Variants in ANKRD17 observed in about 807,000 individuals in gnomAD.
The protein encoded by ANKRD17 is ankyrin repeat domain-containing protein 17.
In ANKRD17, 19 loss-of-function variants were observed where a neutral mutation model predicts 229.7. That is an observed-to-expected ratio of 0.08 (90% confidence interval 0.06 to 0.12). The LOEUF (loss-of-function observed/expected upper bound fraction) is 0.12, where lower values mean the gene tolerates loss of function less well. Among genes scored for constraint, ANKRD17 ranks in the 10% least tolerant of loss-of-function variants. The pLI is 1.00. For synonymous variants in ANKRD17, 1,112 were observed against 1,146.1 expected (o/e 0.97, Z 0.60); for missense variants, 2,176 against 3,176.8 (o/e 0.68, Z 7.57).
rs1217966230 is a variant in ANKRD17 at position 73,204,600 on chromosome 4, CA to C, written c.394-27068del. 3.3e-5 allele frequency among the ~76,000 whole-genome samples: 5 copies of C among 151,846 alleles called. No homozygotes were observed. The East Asian group carries it at 9.7e-4, about 29-fold the overall frequency. On this transcript the variant is annotated intron_variant, in intron 1 of 33. Transcript: ENST00000358602. ...TGGATCCACCCAAAGTAATAAAGAG[CA>C]CTAGAAATGGCATAAAATGGATATC...
chr4:73,155,492 T>A, intron 5 of ANKRD17, 139 bp downstream of exon 5: 1 of 908,504 alleles, frequency 1.1e-6, no homozygotes, highest in Non-Finnish European at 1.7e-6. Context: ...ACTTCAAAAC[T>A]CATACACAGA....
intron 24 of ANKRD17, among the ~76,000 whole-genome samples, chr4:73,104,916 G>T (rs1185610650): frequency 6.6e-6 from 1 of 152,160 alleles, no homozygotes; most frequent in African/African-American, 2.4e-5. Context: ...ATTTCTCAGG[G>T]CTGGCAGAGT....
At chr4:73,238,180 T>C (rs1389599749) in intron 1 of ANKRD17, among the ~76,000 whole-genome samples, 1 of 152,064 alleles carries the variant, frequency 6.6e-6, no homozygotes, top group Admixed American at 6.5e-5. Flanking sequence ...AATTAATTTA[T>C]GAAAATCCTT....
intron 15 of ANKRD17, among the ~76,000 whole-genome samples, chr4:73,135,511 T>C (rs1728782198): frequency 6.6e-6 from 1 of 152,156 alleles, no homozygotes; most frequent in South Asian, 2.1e-4. Context: ...TTATAAGCAG[T>C]CGTAAAACCT....
chr4:73,108,956 A>G (rs1362445007), intron 24 of ANKRD17, among the ~76,000 whole-genome samples: 1 of 152,220 alleles, frequency 6.6e-6, no homozygotes, highest in Non-Finnish European at 1.5e-5. Context: ...TGCTGTTGAG[A>G]AGGAGAAACC....
intron 1 of ANKRD17, among the ~76,000 whole-genome samples, chr4:73,188,462 G>A (rs996223194): frequency 2.0e-5 from 3 of 152,032 alleles, no homozygotes; most frequent in African/African-American, 7.2e-5. Flanking sequence ...GTATGCGCCT[G>A]TAGTCCCCGC....
At chr4:73,243,943 A>C (rs375976136) in intron 1 of ANKRD17, among the ~76,000 whole-genome samples, 14 of 152,324 alleles carry the variant, frequency 9.2e-5, no homozygotes, top group African/African-American at 2.9e-4. Context: ...TGGGTAGTTT[A>C]AACAACAGAT....
chr4:73,138,245 T>C (rs1048480904), intron 15 of ANKRD17, among the ~76,000 whole-genome samples: 1 of 152,126 alleles, frequency 6.6e-6, no homozygotes, highest in African/African-American at 2.4e-5. Flanking sequence ...TAGAAAAATT[T>C]TGCACTCATC....
chr4:73,216,321 A>C (rs1220875119), intron 1 of ANKRD17, among the ~76,000 whole-genome samples: 2 of 152,162 alleles, frequency 1.3e-5, no homozygotes, highest in Non-Finnish European at 2.9e-5. Flanking sequence ...TTTTCTTTAA[A>C]CTATAATTTC....
In ANKRD17 at chr4:73,141,817, C is replaced by T. The variant is rs377088061; in HGVS notation, c.2256G>A (p.Leu752=). 129 of 1,613,674 alleles carry T rather than the reference C, an allele frequency of 8.0e-5. No homozygotes were observed. The highest frequency in any genetic ancestry group is 1.0e-4 in the Non-Finnish European group (123 of 1,179,900). Residue 752 remains leucine (L), a synonymous_variant, in exon 14 of 34, where the codon CTG becomes CTA. Transcript: ENST00000358602. ...GCTCCTGAGGTGGAACAACCATGGG[C>T]AGTGCTTGAACTGGTACACGAGGAG... is the stretch of plus-strand genomic sequence containing the variant. ...NRAPRVPVQA[L]PMVVPPQEPD...
chr4:73,242,739 G>C (rs369781900), intron 1 of ANKRD17, among the ~76,000 whole-genome samples: 4 of 152,266 alleles, frequency 2.6e-5, no homozygotes, highest in East Asian at 3.9e-4. Flanking sequence ...TCAATGACTT[G>C]TGGCTTATAA....
chr4:73,223,052 T>C (rs1163353889), intron 1 of ANKRD17: 6 of 1,535,786 alleles, frequency 3.9e-6, no homozygotes, highest in Non-Finnish European at 4.4e-6. Context: ...CCATGTTTCT[T>C]ACTGCACTAT....
Position 73,074,060 on chromosome 4 carries a change from G to A in ANKRD17, c.*2171C>T, listed in dbSNP as rs565602782. On this transcript the variant is annotated 3_prime_UTR_variant, in exon 34 of 34. Transcript: ENST00000358602. The stretch of plus-strand genomic sequence containing the variant: ...AAAATGTATTTTAAAAATGTTCCTA[G>A]TACAGACTTCTAAAACCATGGTATT... The A allele has an allele frequency of 4.0e-5, 6 of 151,864 alleles. No individual in the cohort carries two copies. The highest frequency in any genetic ancestry group is 8.8e-5 in the Non-Finnish European group (6 of 67,860). The allele number at this position is 151,864 out of a possible 1,614,324, so 9.4% of individuals were successfully genotyped here. A position where few individuals can be genotyped will look rare whatever the true frequency, so the allele number is the denominator to read the frequency against.
In ANKRD17 at chr4:73,147,353, C is replaced by T; in HGVS notation, c.1647G>A (p.Val549=). The T allele has an allele frequency of 6.2e-7, 1 of 1,610,380 alleles. No individual in the cohort carries two copies. Among genetic ancestry groups the T allele is most frequent in the Non-Finnish European group, 8.5e-7 (1 of 1,177,846 alleles). ...TLACCGGFLE[V]ADFLIKAGAD... Reference sequence around the variant, plus strand: ...CTCCTGCCTTAATTAGAAAGTCTGCCACTTCCAGAAAGCCTCCACAGCAAG... The same window carrying T: ...CTCCTGCCTTAATTAGAAAGTCTGCTACTTCCAGAAAGCCTCCACAGCAAG... The change falls in exon 9 of 34, where the codon GTG becomes GTA. Residue 549 remains valine, a synonymous_variant. Coordinates refer to ENST00000358602, the MANE Select transcript of ANKRD17 (RefSeq NM_032217.5).
chr4:73,257,974 C>A (rs1745617121), intron 1 of ANKRD17, among the ~76,000 whole-genome samples: 1 of 149,782 alleles, frequency 6.7e-6, no homozygotes, highest in African/African-American at 2.5e-5. Flanking sequence ...CCCCACCCCC[C>A]GGCGTGCAAA....
chr4:73,245,401 A>C (rs1683714098), intron 1 of ANKRD17, among the ~76,000 whole-genome samples: 2 of 152,186 alleles, frequency 1.3e-5, no homozygotes, highest in Admixed American at 6.5e-5. Context: ...TAGTCAGGTG[A>C]GCTCTTAAAA....
intron 2 of ANKRD17, among the ~76,000 whole-genome samples, chr4:73,166,469 A>G (rs991970921): frequency 1.3e-5 from 2 of 152,186 alleles, no homozygotes; most frequent in African/African-American, 4.8e-5. Context: ...TAAGAAAGGC[A>G]TTTTCAGACA....
At chr4:73,158,648 C>T (rs1732097378) in intron 3 of ANKRD17, among the ~76,000 whole-genome samples, 1 of 152,212 alleles carries the variant, frequency 6.6e-6, no homozygotes, top group Non-Finnish European at 1.5e-5. Context: ...TGTGGCAATA[C>T]TGATAGGTAA....
At chr4:73,185,330 T>C (rs1446831535) in intron 1 of ANKRD17, among the ~76,000 whole-genome samples, 1 of 151,868 alleles carries the variant, frequency 6.6e-6, no homozygotes, top group East Asian at 1.9e-4. Flanking sequence ...TTCTGGAAAA[T>C]ACTCTATTTA....
Sources: gnomAD v4.1 joint callset for allele counts (sites outside exome capture counted in the v4.1 genomes callset) on GRCh38, gnomAD v4.1.1 for gene constraint, MANE v1.5 for transcripts, NCBI Gene and HGNC (gene_info 2026-07-23, HGNC 2026-07-21) for gene names.